Variants in SEC23A observed in about 807,000 individuals in gnomAD.
SEC23A encodes the protein protein transport protein Sec23A.
A neutral mutation model predicts 103.7 loss-of-function variants in SEC23A; 56 were observed. The ratio of observed to expected loss-of-function variants is 0.54; its 90% CI spans 0.44 to 0.67. The LOEUF is 0.67. SEC23A is among the 30% of genes least tolerant of loss of function. The pLI is 0.00. For synonymous variants in SEC23A, 281 were observed against 293.0 expected (o/e 0.96, Z 0.42); for missense variants, 784 against 936.4 (o/e 0.84, Z 2.12).
rs79131985 is a variant in SEC23A at position 39,032,954 on chromosome 14, G to A, written c.*285C>T. 7.2e-3 allele frequency: 2,437 copies of A among 337,580 alleles called. 43 individuals carry two copies. Among genetic ancestry groups the A allele is most frequent in the African/African-American group, 0.042 (2,024 of 47,734 alleles). The allele number at this position is 337,580 out of a possible 1,614,324, so 20.9% of individuals were successfully genotyped here. A position where few individuals can be genotyped will look rare whatever the true frequency, so the allele number is the denominator to read the frequency against. On this transcript the variant is annotated 3_prime_UTR_variant, in exon 20 of 20. Transcript: ENST00000307712. ...TACAAATGAGTTACATCTGTAGTAC[G>A]AGGCAGACTCTATTTTTTATTAAAC...
At chr14:39,075,347 G>A (rs911289389) in intron 8 of SEC23A, among the ~76,000 whole-genome samples, 2 of 152,062 alleles carry the variant, frequency 1.3e-5, no homozygotes, top group Admixed American at 6.6e-5. Context: ...ATATAATACT[G>A]ATGAAGACTA....
At chr14:39,064,780 A>C (rs962551978) in intron 11 of SEC23A, 133 bp downstream of exon 11, 2 of 748,836 alleles carry the variant, frequency 2.7e-6, no homozygotes, top group Non-Finnish European at 2.4e-6. Context: ...GGGTCTCTCT[A>C]TGTTGCCTGA....
In SEC23A at chr14:39,067,293, T is replaced by A. The variant is rs1359388880; in HGVS notation, c.1107A>T (p.Gly369=). Residue 369 remains glycine (G), a synonymous_variant, in exon 10 of 20, where the codon GGA becomes GGT. Transcript: ENST00000307712. The stretch of plus-strand genomic sequence containing the variant: ...TGAAAGAATCACCCATTACCATGTA[T>A]CCTCTGCATGGAAAGAACAAAAAAA... The part of the protein sequence containing the change: ...EMKCCPNLTG[G]YMVMGDSFNT... 2 of 1,613,348 alleles carry A rather than the reference T, an allele frequency of 1.2e-6. No homozygotes were observed. The highest frequency in any genetic ancestry group is 1.3e-5 in the African/African-American group (1 of 74,888).
chr14:39,091,061 A>G, intron 5 of SEC23A: 1 of 412,032 alleles, frequency 2.4e-6, no homozygotes, highest in East Asian at 6.7e-5. Flanking sequence ...GAAGAACCTG[A>G]GGAGTATGAT....
chr14:39,055,410 A>AT lies in SEC23A; in HGVS notation c.1506-115dup, dbSNP rs11301994. On this transcript the variant is annotated intron_variant, in intron 13 of 19. Transcript: ENST00000307712. ...GATAAAAGATACAGAAACTACTAGG[A>AT]TTTTTTTTTTTTTTTGAGACAGAGT... The AT allele has an allele frequency of 0.13, 106,349 of 801,318 alleles. 3,422 individuals are homozygous for AT. The highest frequency in any genetic ancestry group is 0.35 in the African/African-American group (19,426 of 55,016). 49.6% of individuals were successfully genotyped at this position (801,318 alleles called of 1,614,324 possible). A position where few individuals can be genotyped will look rare whatever the true frequency, so the allele number is the denominator to read the frequency against.
chr14:39,066,074 T>C (rs867791947), intron 10 of SEC23A, among the ~76,000 whole-genome samples: 2 of 149,868 alleles, frequency 1.3e-5, no homozygotes, highest in Non-Finnish European at 3.0e-5. Context: ...ATAAATTGTG[T>C]CCTATATATG....
intron 7 of SEC23A, among the ~76,000 whole-genome samples, chr14:39,084,056 C>G (rs1303872829): frequency 6.6e-6 from 1 of 152,058 alleles, no homozygotes; most frequent in East Asian, 1.9e-4. Flanking sequence ...GAGTCTCTCT[C>G]TGTTGCCCAG....
rs765597201 is a variant in SEC23A at position 39,075,965 on chromosome 14, G to A, written c.957C>T (p.Asp319=). Residue 319 remains aspartate, a synonymous_variant, in exon 8 of 20, where the codon GAC becomes GAT. Transcript: ENST00000307712. ...TTCCCTTTTTAACATATTTGGCATT[G>A]TCTTTGTCAATGTCATGCCACGATC... The part of the protein sequence containing the change: ...PIRSWHDIDK[D]NAKYVKKGTK... The A allele has an allele frequency of 1.2e-6, 2 of 1,613,804 alleles. No homozygotes were observed. The highest frequency in any genetic ancestry group is 1.7e-5 in the Admixed American group (1 of 59,992).
At chr14:39,040,704 AAC>A in intron 18 of SEC23A, 26 bp downstream of exon 18, 1 of 1,614,070 alleles carries the variant, frequency 6.2e-7, no homozygotes, top group African/African-American at 1.3e-5. Context: ...ACAACAAACA[AAC>A]ACACAAACAA....
chr14:39,074,421 A>G lies in SEC23A; in HGVS notation c.1097T>C (p.Leu366Pro). 6.3e-7 allele frequency: 1 copy of G among 1,593,306 alleles called. No homozygotes were observed. Among genetic ancestry groups the G allele is most frequent in the Non-Finnish European group, 8.6e-7 (1 of 1,161,404 alleles). Residue 366 changes from leucine to proline, a missense_variant, in exon 9 of 20, where the codon CTT becomes CCT. By Grantham distance (98) the Leu-to-Pro change is moderately conservative. This residue lies in a region of SEC23A where 683 missense variants were observed against 774.2 expected (regional missense o/e 0.88). Transcript: ENST00000307712. ...TAAAAATTTAAATACATACCCAGTA[A>G]GGTTGGGACAGCATTTCATCTCCAG... is the stretch of plus-strand genomic sequence containing the variant. ...GLLEMKCCPNLTGGYMVMGDS... is the reference protein window; with the variant it reads ...GLLEMKCCPNPTGGYMVMGDS...
chr14:39,047,605 T>C (rs1053114342), intron 15 of SEC23A, among the ~76,000 whole-genome samples: 24 of 152,094 alleles, frequency 1.6e-4, no homozygotes, highest in Non-Finnish European at 2.6e-4. Flanking sequence ...TCAATATTAA[T>C]CATCCTTCCA....
chr14:39,085,785 A>G lies in SEC23A; in HGVS notation c.805T>C (p.Ser269Pro), dbSNP rs952302427. 1 of 1,613,950 alleles carries G rather than the reference A, an allele frequency of 6.2e-7. No individual in the cohort carries two copies. The highest frequency in any genetic ancestry group is 8.5e-7 in the Non-Finnish European group (1 of 1,180,008). ...ACCTCCAGCAGTCCTACAGCTATGG[A>G]AAGTGCCACCCCAGAGGAACGCAAA... Reference protein sequence around the residue: ...RPLRSSGVALSIAVGLLECTF... With the variant: ...RPLRSSGVALPIAVGLLECTF... Residue 269 changes from serine to proline, a missense_variant, in exon 7 of 20, where the codon TCC becomes CCC. Ser to Pro is a moderately conservative substitution (Grantham distance 74). Transcript: ENST00000307712.
At chr14:39,039,179 A>C (rs1885556734) in intron 18 of SEC23A, 83 bp from the exon 19 acceptor site, 1 of 1,138,646 alleles carries the variant, frequency 8.8e-7, no homozygotes, top group African/African-American at 1.5e-5. Flanking sequence ...ATGCAAAATC[A>C]ATTTTATTTA....
In SEC23A at chr14:39,033,325, A is replaced by G. The variant is rs1235500100; in HGVS notation, c.2212T>C (p.Ser738Pro). The stretch of plus-strand genomic sequence containing the variant: ...TCATCTGTAAGAATAGGTGCTCCAG[A>G]CTCCTAGAGGAAAAAAGATATTTGT... Reference protein sequence around the residue: ...HNNMYAWGQESGAPILTDDVS... With the variant: ...HNNMYAWGQEPGAPILTDDVS... The change falls in exon 20 of 20, where the codon TCT (serine) becomes CCT (proline). Residue 738 changes from serine to proline, a missense_variant. Around this residue, in one of 2 missense-constraint regions of SEC23A, gnomAD observed 101 missense variants for 162.2 expected, o/e 0.62. Coordinates refer to ENST00000307712, the MANE Select transcript of SEC23A (RefSeq NM_006364.4). 9.9e-6 allele frequency: 15 copies of G among 1,515,480 alleles called. No individual in the cohort carries two copies. Among genetic ancestry groups the G allele is most frequent in the Non-Finnish European group, 1.3e-5 (15 of 1,133,618 alleles). The allele number at this position is 1,515,480 out of a possible 1,614,324, so 93.9% of individuals were successfully genotyped here. A position where few individuals can be genotyped will look rare whatever the true frequency, so the allele number is the denominator to read the frequency against.
chr14:39,054,424 A>G (rs1478020241), intron 14 of SEC23A, among the ~76,000 whole-genome samples: 1 of 152,176 alleles, frequency 6.6e-6, no homozygotes, highest in Non-Finnish European at 1.5e-5. Flanking sequence ...ACCAGATAAT[A>G]CAGACTTGTC....
At chr14:39,066,856 CTG>C (rs1235646687) in intron 10 of SEC23A, among the ~76,000 whole-genome samples, 4 of 151,870 alleles carry the variant, frequency 2.6e-5, no homozygotes, top group African/African-American at 9.7e-5. Context: ...GAGGAAGACT[CTG>C]TCTCAAAAAA....
chr14:39,083,920 C>A (rs2139271357), intron 7 of SEC23A, among the ~76,000 whole-genome samples: 1 of 152,206 alleles, frequency 6.6e-6, no homozygotes, highest in Admixed American at 6.5e-5. Flanking sequence ...GGTTCACAAT[C>A]TCAAATAGTT....
chr14:39,094,426 ATATATATATATATATATTTTTTTTTT>A lies in SEC23A; in HGVS notation c.222-1208_222-1183del, dbSNP rs1887805751. On this transcript the variant is annotated intron_variant, in intron 2 of 19. Transcript: ENST00000307712. ...TATATATATATATATATATATATAT[ATATATATATATATATATTTTTTTTTT>A]TTTTTTTTCCCCTCCTGTAGAAATG... Among the ~76,000 whole-genome samples the A allele has an allele frequency of 4.6e-4, 23 of 49,680 alleles. 2 individuals carry two copies. The highest frequency in any genetic ancestry group is 3.5e-3 in the African/African-American group (23 of 6,480). 32.6% of individuals were successfully genotyped at this position (49,680 alleles called of 152,430 possible).
chr14:39,091,378 T>C, intron 5 of SEC23A, 99 bp downstream of exon 5: 1 of 799,980 alleles, frequency 1.3e-6, no homozygotes, highest in Non-Finnish European at 2.1e-6. Context: ...ATATTAGTTA[T>C]TCATAATAAA....
Sources: allele counts gnomAD v4.1 joint callset (sites outside exome capture counted in the v4.1 genomes callset), GRCh38; gene constraint gnomAD v4.1.1; regional missense constraint gnomAD v4.1.1; transcripts MANE v1.5; gene names NCBI Gene and HGNC (gene_info 2026-07-23, HGNC 2026-07-21).